The following RAPGEF6 variants were observed in gnomAD, a reference collection of about 807,000 sequenced individuals.
RAPGEF6 encodes Rap guanine nucleotide exchange factor 6.
RAPGEF6 carries 56 observed loss-of-function variants against 171.4 expected under a neutral mutation model. The ratio of observed to expected loss-of-function variants is 0.33; its 90% CI spans 0.26 to 0.41. The LOEUF (loss-of-function observed/expected upper bound fraction) is 0.41, where lower values mean the gene tolerates loss of function less well. RAPGEF6 is among the 10% of genes least tolerant of loss of function. The pLI is 1.00. For synonymous variants in RAPGEF6, 692 were observed against 650.1 expected (o/e 1.06, Z -0.98); for missense variants, 1,674 against 1,921.4 (o/e 0.87, Z 2.41).
rs1480481724 is a variant in RAPGEF6, at chr5:131,450,029, C to G, written c.3200+3025G>C. ...CGTTCATCTCTACACTTACCCCAGACTCCGCCACCTCTTCTTCCTGTAAGC... is the reference window on the plus strand; with the variant it reads ...CGTTCATCTCTACACTTACCCCAGAGTCCGCCACCTCTTCTTCCTGTAAGC... On this transcript the variant is annotated intron_variant, in intron 21 of 27. Coordinates refer to ENST00000509018, the MANE Select transcript of RAPGEF6 (RefSeq NM_016340.6). 1.3e-6 allele frequency: 2 copies of G among 1,543,440 alleles called. No homozygotes were observed. Among genetic ancestry groups the G allele is most frequent in the Admixed American group, 1.9e-5 (1 of 51,910 alleles).
chr5:131,504,481 G>C, intron 11 of RAPGEF6, 145 bp downstream of exon 11: 6 of 874,242 alleles, frequency 6.9e-6, no homozygotes, highest in Non-Finnish European at 9.9e-6. Context: ...AAAAATTTTA[G>C]AGAAAGACAA....
intron 1 of RAPGEF6, among the ~76,000 whole-genome samples, chr5:131,618,476 A>G (rs1765407558): frequency 6.6e-6 from 1 of 152,004 alleles, no homozygotes; most frequent in African/African-American, 2.4e-5. Context: ...TACTTTAAAA[A>G]AAAATACAAA....
chr5:131,592,286 C>T, intron 4 of RAPGEF6, 97 bp downstream of exon 4: 1 of 1,495,250 alleles, frequency 6.7e-7, no homozygotes, highest in Admixed American at 2.3e-5. Context: ...CAAGCAAAGA[C>T]ATTTAAAAGA....
chr5:131,527,055 G>C (rs1758917152), intron 6 of RAPGEF6, among the ~76,000 whole-genome samples: 1 of 152,110 alleles, frequency 6.6e-6, no homozygotes, highest in Non-Finnish European at 1.5e-5. Context: ...GCTACTATAG[G>C]TTTCTGGGAA....
At position 131,534,643 on chromosome 5, in the gene RAPGEF6, C is replaced by T. The variant is rs143773845; in HGVS notation, c.496-13122G>A. Among the ~76,000 whole-genome samples the T allele has an allele frequency of 1.8e-3, 259 of 144,676 alleles. 1 individual carries two copies. The highest frequency in any genetic ancestry group is 6.5e-3 in the African/African-American group (255 of 39,270). The allele number at this position is 144,676 out of a possible 152,430, so 94.9% of individuals were successfully genotyped here. On this transcript the variant is annotated intron_variant, in intron 6 of 27. Coordinates refer to ENST00000509018, the MANE Select transcript of RAPGEF6 (RefSeq NM_016340.6). Reference sequence around the variant, plus strand: ...TTCAGTTTAATTTAAATCAATCATACGTGAGTTGGAATTCCACTTGATACT... The same window carrying T: ...TTCAGTTTAATTTAAATCAATCATATGTGAGTTGGAATTCCACTTGATACT...
At chr5:131,567,095 C>CAAA (rs34938105) in intron 4 of RAPGEF6, among the ~76,000 whole-genome samples, 4 of 131,688 alleles carry the variant, frequency 3.0e-5, no homozygotes, top group Admixed American at 7.5e-5. Context: ...ACTCTTGTCT[C>CAAA]AAAAAAAAAA....
intron 4 of RAPGEF6, among the ~76,000 whole-genome samples, chr5:131,579,102 A>G (rs1384930291): frequency 6.6e-6 from 1 of 152,064 alleles, no homozygotes; most frequent in Non-Finnish European, 1.5e-5. Flanking sequence ...TGGCTTCAGG[A>G]GTGAAGCTGC....
intron 24 of RAPGEF6, among the ~76,000 whole-genome samples, chr5:131,435,521 G>A (rs147689523): frequency 9.9e-4 from 150 of 152,252 alleles, no homozygotes; most frequent in Non-Finnish European, 1.0e-3. Context: ...CACCTGGCAA[G>A]CCAATTAAAA....
Position 131,433,606 on chromosome 5 carries a change from A to G in RAPGEF6, c.3798T>C (p.His1266=). The G allele has an allele frequency of 6.2e-7, 1 of 1,613,854 alleles. No homozygotes were observed. Among genetic ancestry groups the G allele is most frequent in the South Asian group, 1.1e-5 (1 of 91,078 alleles). ...AKSDNLSDSS[H]SEISSRSSIV... is the part of the protein sequence containing the mutation. ...TGCTGGACCGTGAAGAAATCTCACT[A>G]TGGCTGGAGTCAGACAAGTTGTCAG... Residue 1266 remains histidine (H), a synonymous_variant, in exon 25 of 28, where the codon CAT becomes CAC. Coordinates refer to ENST00000509018, the MANE Select transcript of RAPGEF6 (RefSeq NM_016340.6).
In RAPGEF6 at chr5:131,452,500, A is replaced by T. The variant is rs574440700; in HGVS notation, c.3200+554T>A. On this transcript the variant is annotated intron_variant, in intron 21 of 27. Transcript: ENST00000509018. ...AAATGGTTTACAGGAATGAAGTATG[A>T]ATTAAACAGAAACAGAACATTAAAA... Among the ~76,000 whole-genome samples the T allele has an allele frequency of 2.0e-5, 3 of 152,332 alleles. No homozygotes were observed. In the East Asian group the frequency reaches 5.8e-4, roughly 29 times the overall value.
At chr5:131,549,182 A>G (rs1011767397) in intron 5 of RAPGEF6, among the ~76,000 whole-genome samples, 1 of 152,122 alleles carries the variant, frequency 6.6e-6, no homozygotes, top group Non-Finnish European at 1.5e-5. Flanking sequence ...ACAAACCATA[A>G]TTTTTTAAAT....
intron 6 of RAPGEF6, among the ~76,000 whole-genome samples, chr5:131,533,938 A>G (rs1759579678): frequency 6.6e-6 from 1 of 152,102 alleles, no homozygotes; most frequent in South Asian, 2.1e-4. Context: ...ACACAATACC[A>G]CTAGTACCCA....
At chr5:131,491,216 T>C (rs569692178) in intron 14 of RAPGEF6, among the ~76,000 whole-genome samples, 4 of 152,306 alleles carry the variant, frequency 2.6e-5, no homozygotes, top group South Asian at 2.1e-4. Context: ...CTGGGAATTG[T>C]AGGCTGTTTA....
rs764671777 is a variant in RAPGEF6, at chr5:131,635,191, A to G, written c.-161T>C. ...AAACAACCCTTCGCAACGCCCGCCT[A>G]AGGCCTCTACCCACGCGCGACTGGC... On this transcript the variant is annotated 5_prime_UTR_variant, in exon 1 of 28. Transcript: ENST00000509018. 74 of 716,220 alleles carry G rather than the reference A, an allele frequency of 1.0e-4. No individual in the cohort carries two copies. The highest frequency in any genetic ancestry group is 8.0e-4 in the Middle Eastern group (2 of 2,500). 44.4% of individuals were successfully genotyped at this position (716,220 alleles called of 1,614,324 possible).
intron 1 of RAPGEF6, among the ~76,000 whole-genome samples, chr5:131,611,308 G>C (rs1464161782): frequency 6.6e-6 from 1 of 152,180 alleles, no homozygotes; most frequent in Non-Finnish European, 1.5e-5. Flanking sequence ...GTAGTATTCA[G>C]TAAATAAATT....
chr5:131,601,492 C>A (rs1371678864), intron 3 of RAPGEF6, among the ~76,000 whole-genome samples: 4 of 151,698 alleles, frequency 2.6e-5, no homozygotes, highest in African/African-American at 9.7e-5. Flanking sequence ...TTTTACAAAT[C>A]AACAGAAATG....
At chr5:131,605,943 T>A (rs1764534623) in intron 1 of RAPGEF6, among the ~76,000 whole-genome samples, 2 of 137,938 alleles carry the variant, frequency 1.4e-5, no homozygotes, top group Non-Finnish European at 3.0e-5. Flanking sequence ...GGCAGGAGAA[T>A]GGCGTGAACC....
intron 21 of RAPGEF6, among the ~76,000 whole-genome samples, chr5:131,452,188 C>A (rs1753137374): frequency 6.7e-6 from 1 of 150,256 alleles, no homozygotes; most frequent in Non-Finnish European, 1.5e-5. Flanking sequence ...CCTCTGCACT[C>A]CAGCCTGGGC....
intron 4 of RAPGEF6, among the ~76,000 whole-genome samples, chr5:131,588,629 G>C (rs968311598): frequency 3.3e-5 from 5 of 151,730 alleles, no homozygotes; most frequent in Non-Finnish European, 7.4e-5. Flanking sequence ...TACAGTCCTA[G>C]CTACTTGGGA....
Sources: allele counts gnomAD v4.1 joint callset (sites outside exome capture counted in the v4.1 genomes callset), GRCh38; gene constraint gnomAD v4.1.1; transcripts MANE v1.5; gene names NCBI Gene and HGNC (gene_info 2026-07-23, HGNC 2026-07-21).